Variants in ADGRD1 observed in about 807,000 individuals in gnomAD.
ADGRD1 encodes G-protein coupled receptor 133.
A neutral mutation model predicts 113.4 loss-of-function variants in ADGRD1; 77 were observed. The ratio of observed to expected loss-of-function variants is 0.68; its 90% CI spans 0.57 to 0.82. ADGRD1 has a LOEUF of 0.82. Among genes scored for constraint, ADGRD1 ranks in the 40% least tolerant of loss-of-function variants. The pLI, the probability that ADGRD1 is intolerant of heterozygous loss-of-function variation, is 0.00. For missense variants in ADGRD1, 1,036 were observed against 1,139.1 expected, an observed-to-expected ratio of 0.91 and a Z score of 1.30; for synonymous variants, 474 against 475.0, an observed-to-expected ratio of 1.00 and a Z score of 0.03.
chr12:131,099,785 C>A (rs1950027432), intron 15 of ADGRD1, among the ~76,000 whole-genome samples: 1 of 152,236 alleles, frequency 6.6e-6, no homozygotes, highest in Non-Finnish European at 1.5e-5. Context: ...CCTTATGTTT[C>A]TTACAATCAT....
intron 12 of ADGRD1, among the ~76,000 whole-genome samples, chr12:131,007,667 C>G (rs1255724164): frequency 6.6e-6 from 1 of 152,238 alleles, no homozygotes; most frequent in Non-Finnish European, 1.5e-5. Flanking sequence ...AACCGAGGGC[C>G]TGGAAATTGG....
In ADGRD1 at chr12:131,096,313, C is replaced by T. The variant is rs1593205770; in HGVS notation, c.1672-8518C>T. On this transcript the variant is annotated intron_variant, in intron 15 of 24. Transcript: ENST00000261654. The surrounding 1 kb of genome is among the most constrained non-coding windows in gnomAD (Gnocchi z 5.2). ...TCCAGGCTGGAGTCAGTGGCGCCAC[C>T]TTGGCTCACTGCAGCCTTGACCTCC... 6.6e-6 allele frequency among the ~76,000 whole-genome samples: 1 copy of T among 152,196 alleles called. No homozygotes were observed. The highest frequency in any genetic ancestry group is 1.5e-5 in the Non-Finnish European group (1 of 68,040).
intron 15 of ADGRD1, among the ~76,000 whole-genome samples, chr12:131,104,223 T>C (rs528188371): frequency 1.3e-5 from 2 of 151,776 alleles, no homozygotes; most frequent in African/African-American, 4.8e-5. Flanking sequence ...CTGGGAGGGT[T>C]GTGGCCTCAG....
intron 13 of ADGRD1, among the ~76,000 whole-genome samples, chr12:131,033,503 T>C (rs1171099825): frequency 2.0e-5 from 3 of 152,222 alleles, no homozygotes; most frequent in Non-Finnish European, 4.4e-5. Context: ...CGGAGCCCCC[T>C]GAACGCAGGG....
intron 13 of ADGRD1, among the ~76,000 whole-genome samples, chr12:131,038,270 T>A (rs1881751426): frequency 6.6e-6 from 1 of 152,198 alleles, no homozygotes; most frequent in Non-Finnish European, 1.5e-5. Context: ...TAGCCCAGTG[T>A]CTCCACAGTG....
At chr12:131,117,005 TGAG>T (rs1479758520) in intron 18 of ADGRD1, among the ~76,000 whole-genome samples, 13 of 152,238 alleles carry the variant, frequency 8.5e-5, no homozygotes, top group African/African-American at 2.7e-4. Context: ...TGGCTGAGCT[TGAG>T]GAGTGTTGCA....
chr12:131,105,932 C>G, intron 17 of ADGRD1, 67 bp downstream of exon 17: 2 of 1,152,514 alleles, frequency 1.7e-6, no homozygotes, highest in Non-Finnish European at 2.5e-6. Flanking sequence ...CACCGGGTGG[C>G]ACCTTCTGCT....
chr12:130,999,445 G>A (rs7135850), intron 8 of ADGRD1, among the ~76,000 whole-genome samples: 72,526 of 152,084 alleles, frequency 0.48, 17,857 homozygotes, highest in African/African-American at 0.57. Flanking sequence ...GTCTCAAAAA[G>A]CATTTATCTC....
chr12:131,097,618 G>C (rs918175246), intron 15 of ADGRD1, among the ~76,000 whole-genome samples: 26 of 152,312 alleles, frequency 1.7e-4, no homozygotes, highest in African/African-American at 5.8e-4. Context: ...GCCAGGGCCT[G>C]GTCACTCGTG....
At chr12:131,099,137 C>T (rs913060504) in intron 15 of ADGRD1, among the ~76,000 whole-genome samples, 1 of 152,234 alleles carries the variant, frequency 6.6e-6, no homozygotes, top group Non-Finnish European at 1.5e-5. Flanking sequence ...TTAAACAAGA[C>T]AGTCGACCTG....
At chr12:130,974,056 T>C (rs1022325841) in intron 4 of ADGRD1, among the ~76,000 whole-genome samples, 2 of 152,324 alleles carry the variant, frequency 1.3e-5, no homozygotes, top group East Asian at 1.9e-4. Flanking sequence ...TGTGCCCCCC[T>C]GGGTCTTGAG....
At chr12:130,975,842 A>C (rs1477276880) in intron 4 of ADGRD1, among the ~76,000 whole-genome samples, 8 of 152,158 alleles carry the variant, frequency 5.3e-5, no homozygotes, top group Admixed American at 3.9e-4. Context: ...TTCCGTCTCG[A>C]GTAACTTCGG....
chr12:131,088,183 C>T (rs573035696), intron 15 of ADGRD1, among the ~76,000 whole-genome samples: 1 of 151,422 alleles, frequency 6.6e-6, no homozygotes, highest in Non-Finnish European at 1.5e-5. Flanking sequence ...GCTCGTCTTA[C>T]CAGCAGAGAA....
intron 13 of ADGRD1, among the ~76,000 whole-genome samples, chr12:131,047,505 C>A (rs1882962091): frequency 6.6e-6 from 1 of 152,302 alleles, no homozygotes; most frequent in East Asian, 1.9e-4. Context: ...GATACAGAGT[C>A]AGGTCAGCAG....
In ADGRD1 at chr12:130,984,357, AC is replaced by A. The variant is rs1305372561; in HGVS notation, c.490+2295del. On this transcript the variant is annotated intron_variant, in intron 5 of 24. Transcript: ENST00000261654. This position sits in a 1 kb window ranked among gnomAD's most constrained non-coding sequence, Gnocchi z 4.1. ...CGCCCTTCCACGCACTGCAGTCAGC[AC>A]AGAAGCCACGTCCTCAGGGAAAGCT... Among the ~76,000 whole-genome samples, 2 of 152,174 alleles carry A rather than the reference AC, an allele frequency of 1.3e-5. No homozygotes were observed. Among genetic ancestry groups the A allele is most frequent in the Non-Finnish European group, 2.9e-5 (2 of 68,026 alleles).
chr12:131,046,682 C>T (rs1331498272), intron 13 of ADGRD1, among the ~76,000 whole-genome samples: 4 of 137,444 alleles, frequency 2.9e-5, no homozygotes, highest in East Asian at 2.3e-4. Flanking sequence ...GGTCAGTGCC[C>T]CCTCCCTGGG....
intron 13 of ADGRD1, among the ~76,000 whole-genome samples, chr12:131,043,140 G>A (rs982251562): frequency 3.3e-5 from 5 of 152,206 alleles, no homozygotes; most frequent in South Asian, 2.1e-4. Flanking sequence ...GGTTGGGAGC[G>A]AGACAGGCCA....
chr12:131,033,941 G>A (rs991127515), intron 13 of ADGRD1, among the ~76,000 whole-genome samples: 9 of 152,078 alleles, frequency 5.9e-5, no homozygotes, highest in East Asian at 1.9e-4. Context: ...AGTCCTCCCC[G>A]GGGGATGCCG....
chr12:130,993,610 T>C (rs771388926), intron 8 of ADGRD1, among the ~76,000 whole-genome samples: 92 of 152,184 alleles, frequency 6.0e-4, no homozygotes, highest in Middle Eastern at 3.4e-3. Context: ...CCCGGCTCTG[T>C]GTCCGTGGGA....
Sources: gnomAD v4.1 joint callset for allele counts (sites outside exome capture counted in the v4.1 genomes callset) on GRCh38, gnomAD v4.1.1 for gene constraint, Gnocchi (gnomAD v3.1) non-coding constraint, MANE v1.5 for transcripts, NCBI Gene and HGNC (gene_info 2026-07-23, HGNC 2026-07-21) for gene names.